MED1: variants seen among roughly 807,000 people sequenced by gnomAD.
MED1 encodes the protein mediator of RNA polymerase II transcription subunit 1.
In MED1, 17 loss-of-function variants were observed where a neutral mutation model predicts 121.3. The observed-to-expected ratio is 0.14, with a 90% confidence interval of 0.10 to 0.21. The LOEUF (loss-of-function observed/expected upper bound fraction) is 0.21, where lower values mean the gene tolerates loss of function less well. Among genes scored for constraint, MED1 ranks in the 10% least tolerant of loss-of-function variants. The pLI is 1.00. For missense variants in MED1, 1,558 were observed against 1,919.4 expected (o/e 0.81, Z 3.52); for synonymous variants, 661 against 694.4 (o/e 0.95, Z 0.76).
At chr17:39,442,251 C>T (rs2048682531) in intron 3 of MED1, among the ~76,000 whole-genome samples, 1 of 151,984 alleles carries the variant, frequency 6.6e-6, no homozygotes, top group Admixed American at 6.6e-5. Context: ...TTTACATTTG[C>T]TTTCCTGGAA....
chr17:39,449,251 G>C (rs1244592803), intron 1 of MED1, among the ~76,000 whole-genome samples: 2 of 152,088 alleles, frequency 1.3e-5, no homozygotes, highest in Non-Finnish European at 2.9e-5. Context: ...CATGATTCTG[G>C]CTCACTGGAG....
intron 9 of MED1, among the ~76,000 whole-genome samples, chr17:39,428,814 T>C (rs1315849180): frequency 1.3e-5 from 2 of 151,804 alleles, no homozygotes; most frequent in East Asian, 2.0e-4. Flanking sequence ...TAGCCAGGCA[T>C]GGTGGCTCGC....
Position 39,407,568 on chromosome 17 carries a change from G to C in MED1, c.4653C>G (p.Ile1551Met), listed in dbSNP as rs750771707. The change falls in exon 17 of 17, where the codon ATC (isoleucine) becomes ATG (methionine). Residue 1551 changes from isoleucine (I) to methionine (M), a missense_variant. Ile to Met is a conservative substitution (Grantham distance 10). Around this residue, in one of 5 missense-constraint regions of MED1, gnomAD observed 264 missense variants for 326.1 expected, o/e 0.81. Transcript: ENST00000300651. ...DQSLSMTSNTILSADRPSRLS... is the reference protein window; with the variant it reads ...DQSLSMTSNTMLSADRPSRLS... The stretch of plus-strand genomic sequence containing the variant: ...GCCTTGAGGGTCTGTCTGCAGATAA[G>C]ATTGTGTTACTTGTCATAGACAAGG... The C allele has an allele frequency of 1.2e-6, 2 of 1,614,004 alleles. No homozygotes were observed. The highest frequency in any genetic ancestry group is 2.7e-5 in the African/African-American group (2 of 74,908).
intron 14 of MED1, among the ~76,000 whole-genome samples, chr17:39,417,341 CA>C (rs938752387): frequency 9.0e-6 from 1 of 110,550 alleles, no homozygotes; most frequent in African/African-American, 3.7e-5. Flanking sequence ...AAAAAAAAAA[CA>C]AAAAGGCCAG....
At position 39,409,168 on chromosome 17, in the gene MED1, T is replaced by C; in HGVS notation, c.3053A>G (p.Glu1018Gly). 1 of 1,614,202 alleles carries C rather than the reference T, an allele frequency of 6.2e-7. No homozygotes were observed. Among genetic ancestry groups the C allele is most frequent in the Non-Finnish European group, 8.5e-7 (1 of 1,180,028 alleles). ...KPPKRKKADT[E>G]GKSPSHSSSN... ...AGAACTATGAGATGGAGACTTTCCC[T>C]CAGTGTCTGCCTTCTTCCGCTTTGG... The change falls in exon 17 of 17, where the codon GAG becomes GGG. Residue 1018 changes from glutamate to glycine, a missense_variant. Physicochemically the swap from Glu to Gly is moderately conservative, Grantham distance 98. This residue lies in a region of MED1 where 793 missense variants were observed against 898.2 expected (regional missense o/e 0.88). Coordinates refer to ENST00000300651, the MANE Select transcript of MED1 (RefSeq NM_004774.4).
At chr17:39,442,948 G>A (rs2144769893) in intron 3 of MED1, among the ~76,000 whole-genome samples, 1 of 129,864 alleles carries the variant, frequency 7.7e-6, no homozygotes, top group Non-Finnish European at 1.6e-5. Context: ...TTCTTATCGA[G>A]ATTAATCAGA....
intron 9 of MED1, among the ~76,000 whole-genome samples, chr17:39,428,838 A>C (rs1298621225): frequency 2.7e-5 from 4 of 149,124 alleles, no homozygotes; most frequent in African/African-American, 9.9e-5. Flanking sequence ...TGTAGTCCCA[A>C]CTACTCGGGA....
At chr17:39,421,062 C>T (rs980792822) in intron 13 of MED1, among the ~76,000 whole-genome samples, 13 of 151,364 alleles carry the variant, frequency 8.6e-5, no homozygotes, top group Admixed American at 2.0e-4. Flanking sequence ...TCCCAAAGTG[C>T]TAGGATTACA....
rs2048292087 is a variant in MED1, at chr17:39,405,022, C to T, written c.*2453G>A. ...GGTCAAACTGAGAATACATAAGACA[C>T]CAGCAGCAGAAGATAGGTAGAAGTT... is the stretch of plus-strand genomic sequence containing the variant. On this transcript the variant is annotated 3_prime_UTR_variant, in exon 17 of 17. Coordinates refer to ENST00000300651, the MANE Select transcript of MED1 (RefSeq NM_004774.4). 2 of 551,278 alleles carry T rather than the reference C, an allele frequency of 3.6e-6. No individual in the cohort carries two copies. Among genetic ancestry groups the T allele is most frequent in the African/African-American group, 3.8e-5 (2 of 53,330 alleles). The allele number at this position is 551,278 out of a possible 1,614,324, so 34.1% of individuals were successfully genotyped here.
intron 2 of MED1, among the ~76,000 whole-genome samples, chr17:39,444,999 T>C (rs576637444): frequency 2.0e-5 from 3 of 152,196 alleles, no homozygotes; most frequent in African/African-American, 4.8e-5. Context: ...GGTATAAGGA[T>C]AGTTTTCCAG....
chr17:39,411,791 A>T (rs1880800362), intron 16 of MED1, among the ~76,000 whole-genome samples: 1 of 151,830 alleles, frequency 6.6e-6, no homozygotes, highest in Non-Finnish European at 1.5e-5. Flanking sequence ...CAGGGTCAGG[A>T]GTTTTGAGAC....
chr17:39,427,250 T>C (rs1439032158), intron 10 of MED1, among the ~76,000 whole-genome samples: 1 of 152,088 alleles, frequency 6.6e-6, no homozygotes, highest in South Asian at 2.1e-4. Flanking sequence ...GACGCAATCT[T>C]GACTCACTGC....
chr17:39,410,774 A>G (rs965869954), intron 16 of MED1, 53 bp from the exon 17 acceptor site: 86 of 1,535,422 alleles, frequency 5.6e-5, no homozygotes, highest in Non-Finnish European at 4.8e-5. Flanking sequence ...GCTGAATGAG[A>G]CCTGAGATTT....
chr17:39,408,773 C>A lies in MED1; in HGVS notation c.3448G>T (p.Gly1150Trp), dbSNP rs757504557. Residue 1150 changes from glycine (G) to tryptophan (W), a missense_variant, in exon 17 of 17, where the codon GGG becomes TGG. Physicochemically the swap from Gly to Trp is radical, Grantham distance 184 (BLOSUM62 -2). Around this residue, in one of 5 missense-constraint regions of MED1, gnomAD observed 793 missense variants for 898.2 expected, o/e 0.88. Coordinates refer to ENST00000300651, the MANE Select transcript of MED1 (RefSeq NM_004774.4). The surrounding 1 kb of genome is among the most constrained non-coding windows in gnomAD (Gnocchi z 4.7). Reference protein sequence around the residue: ...SSQSKNSSQSGGKPGSSPITK... With the variant: ...SSQSKNSSQSWGKPGSSPITK... ...ATGGGAGAGGAGCCTGGCTTCCCCC[C>A]AGACTGGGATGAATTTTTGGACTGG... The A allele has an allele frequency of 9.5e-5, 153 of 1,614,014 alleles. No homozygotes were observed. The highest frequency in any genetic ancestry group is 1.6e-4 in the Middle Eastern group (1 of 6,084).
intron 13 of MED1, 65 bp downstream of exon 13, chr17:39,423,262 G>A: frequency 8.4e-7 from 1 of 1,188,838 alleles, no homozygotes; most frequent in Non-Finnish European, 1.3e-6. Flanking sequence ...ATGCTATAAA[G>A]GAAGATTATG....
intron 16 of MED1, among the ~76,000 whole-genome samples, chr17:39,411,624 A>C (rs1162517321): frequency 6.6e-6 from 1 of 152,122 alleles, no homozygotes; most frequent in Non-Finnish European, 1.5e-5. Flanking sequence ...TTCATTTCAA[A>C]GGAAAAAAGA....
chr17:39,424,158 C>T (rs1195586518), intron 11 of MED1, among the ~76,000 whole-genome samples: 2 of 152,210 alleles, frequency 1.3e-5, no homozygotes, highest in African/African-American at 4.8e-5. Context: ...GCTGGGATTA[C>T]AGGCGTGAGC....
At chr17:39,443,437 C>G in intron 3 of MED1, 113 bp downstream of exon 3, 1 of 767,976 alleles carries the variant, frequency 1.3e-6, no homozygotes, top group Non-Finnish European at 2.2e-6. Context: ...AGAGCAATAT[C>G]TAATACATAA....
chr17:39,421,238 CAAA>C (rs760121026), intron 13 of MED1, among the ~76,000 whole-genome samples: 1 of 64,888 alleles, frequency 1.5e-5, no homozygotes. Context: ...GCACCAAGAG[CAAA>C]AAAAAAAAAA....
Sources: gnomAD v4.1 joint callset for allele counts (sites outside exome capture counted in the v4.1 genomes callset) on GRCh38, gnomAD v4.1.1 for gene constraint, gnomAD v4.1.1 regional missense constraint, Gnocchi (gnomAD v3.1) non-coding constraint, MANE v1.5 for transcripts, NCBI Gene and HGNC (gene_info 2026-07-23, HGNC 2026-07-21) for gene names.